NIPSNAP2: variants seen among roughly 807,000 people sequenced by gnomAD.
NIPSNAP2 encodes protein NipSnap homolog 2.
NIPSNAP2 carries 42 observed loss-of-function variants against 48.4 expected under a neutral mutation model. That is an observed-to-expected ratio of 0.87 (90% CI 0.68 to 1.12). NIPSNAP2 has a LOEUF of 1.12. NIPSNAP2 is among the 50% of genes most tolerant of loss of function. NIPSNAP2 has a pLI of 0.00. For missense variants in NIPSNAP2, 314 were observed against 347.3 expected, an observed-to-expected ratio of 0.90 and a Z score of 0.76; for synonymous variants, 158 against 126.6, an observed-to-expected ratio of 1.25 and a Z score of -1.67.
At chr7:55,989,923 A>G (rs1181981462) in intron 7 of NIPSNAP2, among the ~76,000 whole-genome samples, 1 of 150,292 alleles carries the variant, frequency 6.7e-6, no homozygotes, top group Non-Finnish European at 1.5e-5. Flanking sequence ...CCTGGCCAAC[A>G]TGGTGAAACC....
chr7:55,987,544 C>T (rs147880333), intron 7 of NIPSNAP2, among the ~76,000 whole-genome samples: 103 of 152,262 alleles, frequency 6.8e-4, no homozygotes, highest in Non-Finnish European at 1.2e-3. Flanking sequence ...AGGAGAATCA[C>T]TTGAACCCGG....
chr7:55,980,146 C>T (rs998652111), intron 3 of NIPSNAP2: 8 of 206,532 alleles, frequency 3.9e-5, no homozygotes, highest in South Asian at 8.5e-5. Context: ...TCCCTGTCCT[C>T]GATTTTCATT....
At chr7:55,975,013 T>C (rs1349763692) in intron 1 of NIPSNAP2, among the ~76,000 whole-genome samples, 1 of 151,978 alleles carries the variant, frequency 6.6e-6, no homozygotes, top group Non-Finnish European at 1.5e-5. Flanking sequence ...CCCAGTACAT[T>C]ACTGATCTAG....
chr7:55,969,874 T>C (rs1048380653), intron 1 of NIPSNAP2, among the ~76,000 whole-genome samples: 1 of 150,442 alleles, frequency 6.6e-6, no homozygotes, highest in African/African-American at 2.4e-5. Flanking sequence ...TCCCAGCTAC[T>C]CAGGAGGCTG....
rs554439776 is a variant in NIPSNAP2, at chr7:55,999,432, C to A, written c.*360C>A. ...TTAGCCATTTCTTTACTAAAAAAAACCAAAAAACAAATCTGTTTTATAATC... is the reference window on the plus strand; with the variant it reads ...TTAGCCATTTCTTTACTAAAAAAAAACAAAAAACAAATCTGTTTTATAATC... On this transcript the variant is annotated 3_prime_UTR_variant, in exon 10 of 10. Transcript: ENST00000322090. 103 of 173,106 alleles carry A rather than the reference C, an allele frequency of 6.0e-4. No individual in the cohort carries two copies. The highest frequency in any genetic ancestry group is 1.5e-3 in the African/African-American group (63 of 42,396). The allele number at this position is 173,106 out of a possible 1,614,324, so 10.7% of individuals were successfully genotyped here. A position where few individuals can be genotyped will look rare whatever the true frequency, so the allele number is the denominator to read the frequency against.
intron 7 of NIPSNAP2, among the ~76,000 whole-genome samples, chr7:55,993,365 C>T (rs1485570460): frequency 6.6e-6 from 1 of 150,750 alleles, no homozygotes; most frequent in Admixed American, 6.6e-5. Context: ...GAGGCCGAAG[C>T]GGGGCAGATC....
intron 3 of NIPSNAP2, chr7:55,980,398 G>A (rs1418465810): frequency 6.5e-6 from 1 of 153,424 alleles, no homozygotes; most frequent in East Asian, 1.9e-4. Context: ...TTAGCACATG[G>A]TACTTACATA....
At chr7:55,996,359 A>T (rs557944787) in intron 8 of NIPSNAP2, among the ~76,000 whole-genome samples, 64 of 151,856 alleles carry the variant, frequency 4.2e-4, no homozygotes, top group African/African-American at 1.5e-3. Context: ...GACACAGGTG[A>T]TCCCCCTCCA....
At chr7:55,985,904 C>T (rs1461534207) in intron 7 of NIPSNAP2, among the ~76,000 whole-genome samples, 5 of 151,790 alleles carry the variant, frequency 3.3e-5, no homozygotes, top group Non-Finnish European at 5.9e-5. Context: ...AAAGATTAGC[C>T]GAGCGTGGTG....
At chr7:55,985,843 T>G (rs1489159828) in intron 7 of NIPSNAP2, among the ~76,000 whole-genome samples, 5 of 147,320 alleles carry the variant, frequency 3.4e-5, no homozygotes, top group African/African-American at 7.5e-5. Context: ...AAGTTAGGAG[T>G]TCGAGACCAG....
intron 9 of NIPSNAP2, among the ~76,000 whole-genome samples, chr7:55,998,524 C>T (rs1218757286): frequency 3.8e-5 from 2 of 53,074 alleles, no homozygotes; most frequent in Non-Finnish European, 7.7e-5. Flanking sequence ...TTTTTTGAGA[C>T]GGAGTCTTGT....
intron 5 of NIPSNAP2, among the ~76,000 whole-genome samples, chr7:55,983,317 T>G (rs1787259598): frequency 1.3e-5 from 2 of 152,154 alleles, no homozygotes; most frequent in Non-Finnish European, 2.9e-5. Flanking sequence ...AGGGAGAAAT[T>G]TAAAAGCCAC....
rs530099362 is a variant in NIPSNAP2 at position 55,985,729 on chromosome 7, G to C, written c.617+851G>C. Among the ~76,000 whole-genome samples, 340 of 143,136 alleles carry C rather than the reference G, an allele frequency of 2.4e-3. 1 individual carries two copies. The highest frequency in any genetic ancestry group is 8.5e-3 in the African/African-American group (329 of 38,766). 93.9% of individuals were successfully genotyped at this position (143,136 alleles called of 152,430 possible). A position where few individuals can be genotyped will look rare whatever the true frequency, so the allele number is the denominator to read the frequency against. ...CCACTGCACTCCAGCCTGGGCAACA[G>C]AGTGAGACCCTGTCTCAAAAAAAAA... On this transcript the variant is annotated intron_variant, in intron 7 of 9. Coordinates refer to ENST00000322090, the MANE Select transcript of NIPSNAP2 (RefSeq NM_001483.3).
chr7:55,989,059 C>T (rs1368373454), intron 7 of NIPSNAP2, among the ~76,000 whole-genome samples: 5 of 151,980 alleles, frequency 3.3e-5, no homozygotes, highest in African/African-American at 1.2e-4. Context: ...CTTAAGTGAC[C>T]ATAGCAGCAT....
chr7:55,980,187 T>G (rs1337338274), intron 3 of NIPSNAP2: 1 of 198,958 alleles, frequency 5.0e-6, no homozygotes, highest in Non-Finnish European at 1.1e-5. Context: ...CATTCATGAG[T>G]CACGCATCAG....
intron 1 of NIPSNAP2, among the ~76,000 whole-genome samples, chr7:55,967,492 A>G (rs1006258247): frequency 2.0e-5 from 3 of 152,048 alleles, no homozygotes; most frequent in Non-Finnish European, 4.4e-5. Flanking sequence ...CCTTGGAGAT[A>G]GTCTTGCCCT....
intron 7 of NIPSNAP2, 76 bp from the exon 8 acceptor site, chr7:55,994,818 G>A: frequency 8.2e-7 from 1 of 1,218,744 alleles, no homozygotes; most frequent in Non-Finnish European, 1.2e-6. Context: ...CCTGAGTATG[G>A]TGAAGGTTTA....
Position 55,980,850 on chromosome 7 carries a change from A to G in NIPSNAP2, c.279-623A>G, listed in dbSNP as rs558627067. On this transcript the variant is annotated intron_variant, in intron 3 of 9. Transcript: ENST00000322090. Reference sequence around the variant, plus strand: ...GAGTAGAACATAATTTATGCTTCGCATTGTATCTTTAATTTTTATTCTTCT... The same window carrying G: ...GAGTAGAACATAATTTATGCTTCGCGTTGTATCTTTAATTTTTATTCTTCT... 10 of 152,310 alleles carry G rather than the reference A, an allele frequency of 6.6e-5. 1 individual carries two copies. The South Asian group carries it at 2.1e-3, about 32-fold the overall frequency. 9.4% of individuals were successfully genotyped at this position (152,310 alleles called of 1,614,324 possible).
In NIPSNAP2 at chr7:55,997,362, T is replaced by G. The variant is rs540734347; in HGVS notation, c.713-4T>G. The G allele has an allele frequency of 3.7e-6, 6 of 1,611,256 alleles. No homozygotes were observed. In the South Asian group the frequency reaches 6.6e-5, roughly 18 times the overall value. ...TCTTACTTCTCTGTGTGGTTATTTTTAAGCTTACAGGGATCTTCAGACCAG... is the reference window on the plus strand; with the variant it reads ...TCTTACTTCTCTGTGTGGTTATTTTGAAGCTTACAGGGATCTTCAGACCAG... On this transcript the variant is annotated splice_polypyrimidine_tract_variant and splice_region_variant and intron_variant, in intron 8 of 9. Coordinates refer to ENST00000322090, the MANE Select transcript of NIPSNAP2 (RefSeq NM_001483.3).
Sources: allele counts gnomAD v4.1 joint callset (sites outside exome capture counted in the v4.1 genomes callset), GRCh38; gene constraint gnomAD v4.1.1; transcripts MANE v1.5; gene names NCBI Gene and HGNC (gene_info 2026-07-23, HGNC 2026-07-21).